The following WWOX variants were observed in gnomAD, a reference collection of about 807,000 sequenced individuals.
WWOX encodes the protein WW domain containing oxidoreductase, also known as WW domain-containing oxidoreductase.
WWOX carries 69 observed loss-of-function variants against 46.2 expected under a neutral mutation model. That is an observed-to-expected ratio of 1.49 (90% CI 1.23 to 1.82). The LOEUF is 1.82. Ranked by LOEUF, WWOX falls within the 40% of genes most tolerant of loss-of-function variation. The probability of loss-of-function intolerance (pLI) is 0.00; values close to 1 mark genes in which losing one functional copy is unlikely to be tolerated. For synonymous variants in WWOX, 359 were observed against 202.6 expected (o/e 1.77, Z -6.56); for missense variants, 919 against 542.6 (o/e 1.69, Z -6.89).
chr16:78,992,834 T>G (rs906531622), intron 8 of WWOX, among the ~76,000 whole-genome samples: 1 of 152,136 alleles, frequency 6.6e-6, no homozygotes, highest in African/African-American at 2.4e-5. Context: ...CTAAGTTGGC[T>G]TTCTCCCCAA....
intron 8 of WWOX, among the ~76,000 whole-genome samples, chr16:78,721,788 G>T (rs895607775): frequency 6.6e-6 from 1 of 152,174 alleles, no homozygotes. Context: ...CAGGTGCTCC[G>T]AAGATACCCC....
At position 78,501,104 on chromosome 16, in the gene WWOX, A is replaced by AG. The variant is rs2085053189; in HGVS notation, c.1056+68354dup. On this transcript the variant is annotated intron_variant, in intron 8 of 8. Coordinates refer to ENST00000566780, the MANE Select transcript of WWOX (RefSeq NM_016373.4). ...GGGTCAGCTGAATGGCAGGGATTCCAGGTCTCAGTTAATGCCCACAAATTT... is the reference window on the plus strand; with the variant it reads ...GGGTCAGCTGAATGGCAGGGATTCCAGGGTCTCAGTTAATGCCCACAAATTT... Among the ~76,000 whole-genome samples the AG allele has an allele frequency of 3.9e-5, 6 of 151,902 alleles. No homozygotes were observed. In the South Asian group the frequency reaches 1.2e-3, roughly 32 times the overall value.
intron 8 of WWOX, among the ~76,000 whole-genome samples, chr16:78,666,837 C>G (rs1230466076): frequency 1.3e-5 from 2 of 152,162 alleles, no homozygotes; most frequent in African/African-American, 4.8e-5. Context: ...AATTTTCATG[C>G]CATGCAGCGT....
rs188483743 is a variant in WWOX, at chr16:78,919,383, G to C, written c.1057-292225G>C. Among the ~76,000 whole-genome samples the C allele has an allele frequency of 6.6e-5, 10 of 152,132 alleles. No homozygotes were observed. The East Asian group carries it at 1.9e-3, about 30-fold the overall frequency. On this transcript the variant is annotated intron_variant, in intron 8 of 8. Coordinates refer to ENST00000566780, the MANE Select transcript of WWOX (RefSeq NM_016373.4). ...CATCCAGGCAGTTGAGTCTAGAATT[G>C]TCTTTGTGTATTTTGCTCCATGGTC...
chr16:78,767,691 G>A (rs1275412467), intron 8 of WWOX, among the ~76,000 whole-genome samples: 1 of 152,058 alleles, frequency 6.6e-6, no homozygotes, highest in Non-Finnish European at 1.5e-5. Flanking sequence ...CACCAGCAGT[G>A]CATCAGGATT....
intron 5 of WWOX, among the ~76,000 whole-genome samples, chr16:78,199,863 T>G (rs2151773896): frequency 6.6e-6 from 1 of 152,302 alleles, no homozygotes; most frequent in South Asian, 2.1e-4. Context: ...AATGAGTCAT[T>G]GACAGGCTAA....
chr16:79,000,963 A>G (rs952572118), intron 8 of WWOX, among the ~76,000 whole-genome samples: 7 of 152,264 alleles, frequency 4.6e-5, no homozygotes, highest in African/African-American at 1.4e-4. Context: ...TGGTTCAACT[A>G]TGAGATTCCT....
chr16:78,955,668 T>TGAGAGGG (rs2046151103), intron 8 of WWOX, among the ~76,000 whole-genome samples: 1 of 152,102 alleles, frequency 6.6e-6, no homozygotes, highest in South Asian at 2.1e-4. Context: ...TTTTTTGTTT[T>TGAGAGGG]GAGACAGGGT....
chr16:79,021,755 A>G (rs1450594115), intron 8 of WWOX, among the ~76,000 whole-genome samples: 1 of 152,218 alleles, frequency 6.6e-6, no homozygotes, highest in Non-Finnish European at 1.5e-5. Flanking sequence ...CATTTTGGCC[A>G]TCTGTGTACA....
chr16:78,392,968 A>T (rs116462462), intron 6 of WWOX, among the ~76,000 whole-genome samples: 145 of 152,246 alleles, frequency 9.5e-4, no homozygotes, highest in African/African-American at 3.4e-3. Context: ...AGTTAGCGGT[A>T]GCAGCGGTCG....
intron 5 of WWOX, among the ~76,000 whole-genome samples, chr16:78,211,256 G>A (rs954078805): frequency 1.3e-5 from 2 of 152,184 alleles, no homozygotes; most frequent in Non-Finnish European, 2.9e-5. Flanking sequence ...TGGTAGAACC[G>A]CTGGAGACTT....
intron 8 of WWOX, among the ~76,000 whole-genome samples, chr16:78,858,085 C>CA (rs2052608724): frequency 6.8e-6 from 1 of 147,490 alleles, no homozygotes; most frequent in Non-Finnish European, 1.5e-5. Context: ...TACTCTATAG[C>CA]AAAAAAAGGA....
chr16:78,379,252 G>C (rs1374343920), intron 5 of WWOX, among the ~76,000 whole-genome samples: 1 of 152,206 alleles, frequency 6.6e-6, no homozygotes, highest in Non-Finnish European at 1.5e-5. Flanking sequence ...GTATGTGTAA[G>C]GGAGGGGTAG....
chr16:78,219,736 C>T (rs1597367201), intron 5 of WWOX, among the ~76,000 whole-genome samples: 2 of 152,256 alleles, frequency 1.3e-5, no homozygotes, highest in Middle Eastern at 3.4e-3. Context: ...AGTCCTAAAA[C>T]AATAAAGACC....
chr16:78,414,145 G>A (rs1597195499), intron 6 of WWOX, among the ~76,000 whole-genome samples: 2 of 149,952 alleles, frequency 1.3e-5, no homozygotes, highest in South Asian at 4.3e-4. Context: ...CCCCGCCCCT[G>A]CCTGCAAGAC....
chr16:78,523,603 A>T (rs1482262022), intron 8 of WWOX, among the ~76,000 whole-genome samples: 1 of 152,188 alleles, frequency 6.6e-6, no homozygotes, highest in Admixed American at 6.5e-5. Flanking sequence ...TTATTCTTCC[A>T]TATTTATTTT....
intron 7 of WWOX, among the ~76,000 whole-genome samples, chr16:78,426,746 T>G (rs4073162): frequency 6.6e-6 from 1 of 151,978 alleles, no homozygotes; most frequent in African/African-American, 2.4e-5. Context: ...TCACCACAAC[T>G]TCAGACTCCC....
intron 8 of WWOX, among the ~76,000 whole-genome samples, chr16:78,868,405 G>T (rs977987025): frequency 6.6e-5 from 10 of 152,026 alleles, no homozygotes; most frequent in African/African-American, 1.9e-4. Context: ...GGAAAGGGTG[G>T]GGCAATTTTG....
chr16:78,894,020 T>TTATTA (rs1555561422), intron 8 of WWOX, among the ~76,000 whole-genome samples: 99 of 140,078 alleles, frequency 7.1e-4, no homozygotes, highest in African/African-American at 2.3e-3. Flanking sequence ...TATTGAGGCT[T>TTATTA]TTATTATTAT....
Sources: allele counts gnomAD v4.1 joint callset (sites outside exome capture counted in the v4.1 genomes callset), GRCh38; gene constraint gnomAD v4.1.1; transcripts MANE v1.5; gene names NCBI Gene and HGNC (gene_info 2026-07-23, HGNC 2026-07-21).